Variants in KCNQ5 observed in about 807,000 individuals in gnomAD.
The protein encoded by KCNQ5 is potassium voltage-gated channel subfamily KQT member 5.
Under a neutral mutation model 98.2 loss-of-function variants are expected in KCNQ5, and 30 were observed. The ratio of observed to expected loss-of-function variants is 0.31; its 90% CI spans 0.23 to 0.41. The LOEUF (loss-of-function observed/expected upper bound fraction) is 0.41, where lower values mean the gene tolerates loss of function less well. Ranked by LOEUF, KCNQ5 falls within the 10% of genes least tolerant of loss-of-function variation. KCNQ5 has a pLI of 1.00. For missense variants in KCNQ5, 835 were observed against 1,182.5 expected (o/e 0.71, Z 4.31); for synonymous variants, 458 against 449.4 (o/e 1.02, Z -0.24).
At chr6:73,012,168 A>G (rs183376352) in intron 2 of KCNQ5, among the ~76,000 whole-genome samples, 12 of 152,262 alleles carry the variant, frequency 7.9e-5, no homozygotes, top group Admixed American at 4.6e-4. Context: ...GTGTACACCC[A>G]TGTTCATAGC....
At chr6:72,890,662 T>C (rs1385919687) in intron 1 of KCNQ5, among the ~76,000 whole-genome samples, 1 of 152,192 alleles carries the variant, frequency 6.6e-6, no homozygotes, top group Non-Finnish European at 1.5e-5. Context: ...AGGTTCTTAT[T>C]CTTGATCGAA....
chr6:72,990,305 C>A (rs1769029384), intron 1 of KCNQ5, among the ~76,000 whole-genome samples: 1 of 68,460 alleles, frequency 1.5e-5, no homozygotes. Context: ...AATGTTCTTC[C>A]ATTTGTTTGT....
At chr6:72,998,939 G>A (rs187483064) in intron 1 of KCNQ5, among the ~76,000 whole-genome samples, 1 of 152,218 alleles carries the variant, frequency 6.6e-6, no homozygotes, top group Admixed American at 6.5e-5. Flanking sequence ...TAAGTTCAGG[G>A]AGATGTCTAC....
At chr6:72,862,814 G>T (rs1421138468) in intron 1 of KCNQ5, among the ~76,000 whole-genome samples, 1 of 151,902 alleles carries the variant, frequency 6.6e-6, no homozygotes, top group South Asian at 2.1e-4. Flanking sequence ...TTTTTGTACA[G>T]ATGAAGTCTC....
In KCNQ5 at chr6:72,713,757, G is replaced by T. The variant is rs571408615; in HGVS notation, c.398+91170G>T. On this transcript the variant is annotated intron_variant, in intron 1 of 13. Transcript: ENST00000370398. ...AGAGAGGGGCATGGAGACTAGACAGGCTTATGTCACTGCCCTTCTCAGGCT... is the reference window on the plus strand; with the variant it reads ...AGAGAGGGGCATGGAGACTAGACAGTCTTATGTCACTGCCCTTCTCAGGCT... Among the ~76,000 whole-genome samples, 161 of 152,280 alleles carry T rather than the reference G, an allele frequency of 1.1e-3. 2 individuals carry two copies. Among genetic ancestry groups the T allele is most frequent in the Non-Finnish European group, 1.7e-3 (114 of 68,016 alleles).
chr6:72,666,113 A>G (rs1284222948), intron 1 of KCNQ5, among the ~76,000 whole-genome samples: 1 of 152,222 alleles, frequency 6.6e-6, no homozygotes, highest in Non-Finnish European at 1.5e-5. Context: ...ATTGCACTGT[A>G]TCTGTAAGAG....
intron 10 of KCNQ5, among the ~76,000 whole-genome samples, chr6:73,155,234 G>A (rs779540011): frequency 6.6e-6 from 1 of 152,116 alleles, no homozygotes; most frequent in Non-Finnish European, 1.5e-5. Flanking sequence ...ATAAAGTTAT[G>A]GTTTTCAAAG....
At chr6:73,041,642 G>A (rs1771707204) in intron 2 of KCNQ5, among the ~76,000 whole-genome samples, 1 of 152,040 alleles carries the variant, frequency 6.6e-6, no homozygotes, top group Admixed American at 6.6e-5. Context: ...AATTCCAGAC[G>A]AGACAGATCC....
intron 1 of KCNQ5, among the ~76,000 whole-genome samples, chr6:72,655,022 G>GTCTTTCTTTCTTTCTTTCTTTCTT (rs1254231605): frequency 1.7e-5 from 2 of 118,978 alleles, no homozygotes; most frequent in African/African-American, 6.1e-5. Flanking sequence ...GCCAAGGTCT[G>GTCTTTCTTTCTTTCTTTCTTTCTT]TCTGTCTTTC....
At chr6:73,089,900 A>G (rs1350104735) in intron 5 of KCNQ5, among the ~76,000 whole-genome samples, 1 of 152,094 alleles carries the variant, frequency 6.6e-6, no homozygotes, top group Non-Finnish European at 1.5e-5. Flanking sequence ...TTCTTCATAT[A>G]ATGACTTCTT....
chr6:72,964,071 A>T (rs1165222967), intron 1 of KCNQ5, among the ~76,000 whole-genome samples: 1 of 152,224 alleles, frequency 6.6e-6, no homozygotes, highest in Non-Finnish European at 1.5e-5. Flanking sequence ...AAAATTTTTT[A>T]AAAATGAATA....
At chr6:72,859,558 G>A (rs780488646) in intron 1 of KCNQ5, among the ~76,000 whole-genome samples, 4 of 151,666 alleles carry the variant, frequency 2.6e-5, no homozygotes, top group African/African-American at 7.3e-5. Context: ...TCTTGTGCCT[G>A]CTTCCCTCAC....
At chr6:72,794,103 T>A (rs1774201112) in intron 1 of KCNQ5, among the ~76,000 whole-genome samples, 1 of 152,252 alleles carries the variant, frequency 6.6e-6, no homozygotes, top group Non-Finnish European at 1.5e-5. Flanking sequence ...AAAATCATAG[T>A]AGCTGCGCAC....
intron 1 of KCNQ5, among the ~76,000 whole-genome samples, chr6:72,957,715 G>T (rs867516579): frequency 6.6e-6 from 1 of 152,074 alleles, no homozygotes; most frequent in South Asian, 2.1e-4. Context: ...ATAGCATCGG[G>T]AGCTTAAGGA....
At chr6:72,941,458 TC>T (rs1766265437) in intron 1 of KCNQ5, among the ~76,000 whole-genome samples, 9 of 81,578 alleles carry the variant, frequency 1.1e-4, no homozygotes, top group African/African-American at 3.7e-4. Flanking sequence ...ATTCCTTCCT[TC>T]CTTCTTCCTT....
intron 1 of KCNQ5, among the ~76,000 whole-genome samples, chr6:72,804,092 A>G (rs1002408753): frequency 2.2e-4 from 34 of 152,218 alleles, no homozygotes; most frequent in Admixed American, 2.2e-3. Flanking sequence ...TTGTGAGTAC[A>G]TAGTTGGTTG....
intron 1 of KCNQ5, among the ~76,000 whole-genome samples, chr6:72,980,410 T>A (rs1480477194): frequency 1.3e-5 from 2 of 152,212 alleles, no homozygotes; most frequent in African/African-American, 4.8e-5. Flanking sequence ...TAAGTTGGAT[T>A]CCTAGGTATT....
At chr6:72,823,982 G>A (rs1218883880) in intron 1 of KCNQ5, among the ~76,000 whole-genome samples, 2 of 151,848 alleles carry the variant, frequency 1.3e-5, no homozygotes, top group Non-Finnish European at 2.9e-5. Flanking sequence ...ATGTGTTTTT[G>A]TTAGATTCAT....
intron 1 of KCNQ5, among the ~76,000 whole-genome samples, chr6:72,816,018 G>C (rs946803072): frequency 6.6e-6 from 1 of 152,112 alleles, no homozygotes; most frequent in South Asian, 2.1e-4. Context: ...GAGAACAGAG[G>C]CTTAAGGCCA....
Sources: gnomAD v4.1 joint callset for allele counts (sites outside exome capture counted in the v4.1 genomes callset) on GRCh38, gnomAD v4.1.1 for gene constraint, MANE v1.5 for transcripts, NCBI Gene and HGNC (gene_info 2026-07-23, HGNC 2026-07-21) for gene names.